Variants in MAP2K2 observed in about 807,000 individuals in gnomAD.
MAP2K2 encodes the protein mitogen-activated protein kinase kinase 2.
In MAP2K2, 24 loss-of-function variants were observed where a neutral mutation model predicts 43.7. That is an observed-to-expected ratio of 0.55 (90% CI 0.40 to 0.77). The LOEUF (loss-of-function observed/expected upper bound fraction) is 0.77, where lower values mean the gene tolerates loss of function less well. Ranked by LOEUF, MAP2K2 falls within the 30% of genes least tolerant of loss-of-function variation. The pLI, the probability that MAP2K2 is intolerant of heterozygous loss-of-function variation, is 0.00. For synonymous variants in MAP2K2, 244 were observed against 239.7 expected (o/e 1.02, Z -0.17); for missense variants, 470 against 566.8 (o/e 0.83, Z 1.73).
chr19:4,101,313 A>G lies in MAP2K2; in HGVS notation c.529-33T>C. The G allele has an allele frequency of 6.4e-7, 1 of 1,562,966 alleles. No individual in the cohort carries two copies. Among genetic ancestry groups the G allele is most frequent in the Non-Finnish European group, 8.7e-7 (1 of 1,153,866 alleles). On this transcript the variant is annotated intron_variant, in intron 4 of 10. Coordinates refer to ENST00000262948, the MANE Select transcript of MAP2K2 (RefSeq NM_030662.4). The surrounding 1 kb of genome is among the most constrained non-coding windows in gnomAD (Gnocchi z 6.3). ...GGAGCGCGGAGGGAGTCACGGGACA[A>G]GGCCACCAGGGCTTAGCTCCTGACC...
rs1195089900 is a variant in MAP2K2, at chr19:4,124,076, G to C, written c.-201C>G. 9.7e-6 allele frequency: 2 copies of C among 206,804 alleles called. No homozygotes were observed. Among genetic ancestry groups the C allele is most frequent in the African/African-American group, 4.6e-5 (2 of 43,730 alleles). 12.8% of individuals were successfully genotyped at this position (206,804 alleles called of 1,614,324 possible). A position where few individuals can be genotyped will look rare whatever the true frequency, so the allele number is the denominator to read the frequency against. On this transcript the variant is annotated 5_prime_UTR_variant, in exon 1 of 11. Transcript: ENST00000262948. ...GGGCTGAGGCGAGCGAGCCGCTACCGCTGCCGAGGCCCGAAGAAGGCTGAC... is the reference window on the plus strand; with the variant it reads ...GGGCTGAGGCGAGCGAGCCGCTACCCCTGCCGAGGCCCGAAGAAGGCTGAC...
intron 10 of MAP2K2, among the ~76,000 whole-genome samples, chr19:4,094,094 T>C (rs2145041211): frequency 6.6e-6 from 1 of 152,188 alleles, no homozygotes. Flanking sequence ...CCCTCTAGTT[T>C]GCAGGGAAAG....
intron 6 of MAP2K2, chr19:4,099,656 T>C (rs1311898882): frequency 8.8e-6 from 5 of 571,376 alleles, no homozygotes; most frequent in Non-Finnish European, 1.6e-5. Context: ...TTGAAGAGCC[T>C]GCAATGCTCA....
intron 8 of MAP2K2, among the ~76,000 whole-genome samples, chr19:4,096,429 TG>T (rs2040918444): frequency 6.6e-6 from 1 of 152,092 alleles, no homozygotes; most frequent in Non-Finnish European, 1.5e-5. Context: ...CCCAGGGAGG[TG>T]GCCCGGCCTG....
chr19:4,102,276 AC>A (rs1299419538), intron 4 of MAP2K2, 99 bp downstream of exon 4: 5 of 1,036,968 alleles, frequency 4.8e-6, no homozygotes, highest in African/African-American at 1.6e-5. Flanking sequence ...GGCCACCCTA[AC>A]CCCCACCACA....
chr19:4,102,603 C>T lies in MAP2K2; in HGVS notation c.451-150G>A, dbSNP rs1026483273. ...CTCCACCCACGGGCCAAGGGCAGGG[C>T]GTCTTCTGACAGTTCTGCCTTTGGG... On this transcript the variant is annotated intron_variant, in intron 3 of 10. Transcript: ENST00000262948. The T allele has an allele frequency of 2.5e-5, 22 of 884,618 alleles. No homozygotes were observed. The Middle Eastern group carries it at 8.6e-4, about 35-fold the overall frequency. 54.8% of individuals were successfully genotyped at this position (884,618 alleles called of 1,614,324 possible).
intron 3 of MAP2K2, chr19:4,102,986 C>T: frequency 9.3e-7 from 1 of 1,075,320 alleles, no homozygotes; most frequent in South Asian, 2.7e-5. Flanking sequence ...CCCGTCCAGA[C>T]CCCCAGGGGG....
intron 3 of MAP2K2, chr19:4,104,567 C>G (rs1271046237): frequency 6.6e-6 from 1 of 152,358 alleles, no homozygotes; most frequent in Non-Finnish European, 1.5e-5. Flanking sequence ...AAACAAAAAC[C>G]AGAAAGAGAC....
intron 10 of MAP2K2, among the ~76,000 whole-genome samples, chr19:4,094,143 A>T (rs1271913547): frequency 6.6e-6 from 1 of 152,146 alleles, no homozygotes; most frequent in South Asian, 2.1e-4. Flanking sequence ...GCCTCTCATG[A>T]GGGCAAAGAA....
intron 3 of MAP2K2, 63 bp downstream of exon 3, chr19:4,110,446 T>C (rs1227294225): frequency 1.3e-6 from 2 of 1,599,132 alleles, no homozygotes; most frequent in South Asian, 1.1e-5. Flanking sequence ...GGGGTCTTCC[T>C]TCTCCCCAAC....
intron 9 of MAP2K2, chr19:4,094,869 G>A (rs2040894053): frequency 2.4e-6 from 1 of 412,510 alleles, no homozygotes; most frequent in Non-Finnish European, 4.5e-6. Flanking sequence ...GGCACCAGGA[G>A]TGCGGTGCCG....
chr19:4,099,423 G>C lies in MAP2K2; in HGVS notation c.706-9C>G, dbSNP rs1448863495. On this transcript the variant is annotated splice_polypyrimidine_tract_variant and intron_variant, in intron 6 of 10. Coordinates refer to ENST00000262948, the MANE Select transcript of MAP2K2 (RefSeq NM_030662.4). Reference sequence around the variant, plus strand: ...CCCTGCAACCGCTCCGGCTGCAGCAGAGCCAGGGAGGAAAGAGCCCAGAGG... The same window carrying C: ...CCCTGCAACCGCTCCGGCTGCAGCACAGCCAGGGAGGAAAGAGCCCAGAGG... 1 of 1,590,966 alleles carries C rather than the reference G, an allele frequency of 6.3e-7. No individual in the cohort carries two copies. The highest frequency in any genetic ancestry group is 8.6e-7 in the Non-Finnish European group (1 of 1,168,692).
chr19:4,108,900 A>G (rs2041121837), intron 3 of MAP2K2, among the ~76,000 whole-genome samples: 1 of 152,148 alleles, frequency 6.6e-6, no homozygotes, highest in Non-Finnish European at 1.5e-5. Flanking sequence ...TCAGACCACA[A>G]AGCGCTTCCT....
intron 8 of MAP2K2, among the ~76,000 whole-genome samples, chr19:4,095,844 G>A (rs1306678420): frequency 6.6e-6 from 1 of 152,180 alleles, no homozygotes; most frequent in Non-Finnish European, 1.5e-5. Context: ...GCGTGATCTT[G>A]GCTCACTGCA....
chr19:4,107,013 C>T (rs747049067), intron 3 of MAP2K2, among the ~76,000 whole-genome samples: 19 of 152,170 alleles, frequency 1.2e-4, no homozygotes, highest in South Asian at 4.1e-4. Context: ...GTTCTTGCCC[C>T]GAGTTATCCA....
intron 8 of MAP2K2, among the ~76,000 whole-genome samples, chr19:4,096,226 G>A (rs961274243): frequency 2.0e-5 from 3 of 152,160 alleles, no homozygotes; most frequent in Non-Finnish European, 2.9e-5. Context: ...GGGAGAGGTC[G>A]GGGGATGTGC....
chr19:4,113,489 G>A (rs549355169), intron 2 of MAP2K2, among the ~76,000 whole-genome samples: 1 of 152,236 alleles, frequency 6.6e-6, no homozygotes, highest in Non-Finnish European at 1.5e-5. Context: ...CAAGCCCGGG[G>A]GATGGGTGTA....
intron 10 of MAP2K2, among the ~76,000 whole-genome samples, chr19:4,091,235 G>C (rs557658766): frequency 6.6e-6 from 1 of 152,332 alleles, no homozygotes; most frequent in Non-Finnish European, 1.5e-5. Flanking sequence ...CATTGTACAG[G>C]CACCGTCCCA....
Position 4,123,821 on chromosome 19 carries a change from C to T in MAP2K2, c.55G>A (p.Ala19Thr), listed in dbSNP as rs2145089839. The change falls in exon 1 of 11, where the codon GCC becomes ACC. Residue 19 changes from alanine (A) to threonine (T), a missense_variant. This residue lies in a region of MAP2K2 where 58 missense variants were observed against 48.0 expected (regional missense o/e 1.21). Transcript: ENST00000262948. ...LPALTINPTI[A>T]EGPSPTSEGA... Reference sequence around the variant, plus strand: ...TCGCTGGTAGGGGATGGGCCCTCGGCGATGGTAGGGTTGATGGTGAGCGCC... The same window carrying T: ...TCGCTGGTAGGGGATGGGCCCTCGGTGATGGTAGGGTTGATGGTGAGCGCC... The T allele has an allele frequency of 6.4e-7, 1 of 1,566,946 alleles. No individual in the cohort carries two copies.
Sources: allele counts gnomAD v4.1 joint callset (sites outside exome capture counted in the v4.1 genomes callset), GRCh38; gene constraint gnomAD v4.1.1; regional missense constraint gnomAD v4.1.1; non-coding constraint Gnocchi (gnomAD v3.1); transcripts MANE v1.5; gene names NCBI Gene and HGNC (gene_info 2026-07-23, HGNC 2026-07-21).